ZNF17: variants seen among roughly 807,000 people sequenced by gnomAD.
The protein encoded by ZNF17 is zinc finger protein 17 (HPF3, KOX 10).
Under a neutral mutation model 7.7 loss-of-function variants are expected in ZNF17, and 4 were observed. That is an observed-to-expected ratio of 0.52 (90% CI 0.26 to 1.20). The LOEUF (loss-of-function observed/expected upper bound fraction) is 1.20. Among genes scored for constraint, ZNF17 ranks in the 50% most tolerant of loss-of-function variants. ZNF17 has a pLI of 0.14. For missense variants in ZNF17, 738 were observed against 799.5 expected (o/e 0.92, Z 0.93); for synonymous variants, 249 against 258.8 (o/e 0.96, Z 0.36).
Position 57,419,402 on chromosome 19 carries a change from T to G in ZNF17, c.149-233T>G, listed in dbSNP as rs141923226. Reference sequence around the variant, plus strand: ...AGGAGTAACTTGGGGACTCCACTTCTGTGCTCTGCACTGTACCACTCCCTA... The same window carrying G: ...AGGAGTAACTTGGGGACTCCACTTCGGTGCTCTGCACTGTACCACTCCCTA... On this transcript the variant is annotated intron_variant, in intron 3 of 3. Coordinates refer to ENST00000307658, the MANE Select transcript of ZNF17 (RefSeq NM_001330617.2). The G allele has an allele frequency of 8.3e-3, 3,653 of 439,038 alleles. 29 individuals carry two copies. Among genetic ancestry groups the G allele is most frequent in the Non-Finnish European group, 0.013 (3,073 of 243,302 alleles). 27.2% of individuals were successfully genotyped at this position (439,038 alleles called of 1,614,324 possible).
chr19:57,418,130 T>C, intron 3 of ZNF17, 92 bp downstream of exon 3: 1 of 1,476,362 alleles, frequency 6.8e-7, no homozygotes, highest in Non-Finnish European at 9.2e-7. Context: ...AGGTCATGGA[T>C]GCTGCATCCT....
At chr19:57,414,895 T>C (rs1449482411) in intron 2 of ZNF17, among the ~76,000 whole-genome samples, 2 of 151,534 alleles carry the variant, frequency 1.3e-5, no homozygotes, top group East Asian at 4.0e-4. Context: ...TTGTATTTTT[T>C]AGTAGAGCCA....
chr19:57,418,406 G>C (rs2088825296), intron 3 of ZNF17, among the ~76,000 whole-genome samples: 1 of 152,018 alleles, frequency 6.6e-6, no homozygotes, highest in South Asian at 2.1e-4. Flanking sequence ...GAATTTCAGG[G>C]ACCTACCTCG....
chr19:57,417,860 A>G, intron 2 of ZNF17, 52 bp from the exon 3 acceptor site: 3 of 1,586,050 alleles, frequency 1.9e-6, no homozygotes, highest in East Asian at 2.2e-5. Flanking sequence ...AAAAAAAAAA[A>G]AAGAAAGAAA....
chr19:57,411,679 A>G, intron 1 of ZNF17: 2 of 1,339,748 alleles, frequency 1.5e-6, no homozygotes, highest in South Asian at 2.1e-5. Flanking sequence ...CTGGGAGGGC[A>G]GCGGAGCTGC....
chr19:57,413,774 A>G lies in ZNF17; in HGVS notation c.21+138A>G. The G allele has an allele frequency of 6.6e-6, 7 of 1,063,806 alleles. No homozygotes were observed. In the South Asian group the frequency reaches 9.6e-5, roughly 15 times the overall value. 65.9% of individuals were successfully genotyped at this position (1,063,806 alleles called of 1,614,324 possible). On this transcript the variant is annotated intron_variant, in intron 2 of 3. Coordinates refer to ENST00000307658, the MANE Select transcript of ZNF17 (RefSeq NM_001330617.2). ...CAAGGAGAGCCTGTAGTTCCACCAG[A>G]CCTGGGTTCCAAACTCAGTGCCTGG...
In ZNF17 at chr19:57,420,017, G is replaced by C. The variant is rs200572163; in HGVS notation, c.531G>C (p.Arg177Ser). The C allele has an allele frequency of 1.2e-6, 2 of 1,614,148 alleles. No individual in the cohort carries two copies. The highest frequency in any genetic ancestry group is 1.3e-5 in the African/African-American group (1 of 75,026). Residue 177 changes from arginine (R) to serine (S), a missense_variant, in exon 4 of 4, where the codon AGG (arginine) becomes AGC (serine). Physicochemically the swap from Arg to Ser is moderately radical, Grantham distance 110. Coordinates refer to ENST00000307658, the MANE Select transcript of ZNF17 (RefSeq NM_001330617.2). ...QALHSGWKPH[R>S]DTHGVEAFQS... ...TTCACAGTGGGTGGAAGCCACACAGGGACACTCATGGTGTGGAGGCCTTTC... is the reference window on the plus strand; with the variant it reads ...TTCACAGTGGGTGGAAGCCACACAGCGACACTCATGGTGTGGAGGCCTTTC...
chr19:57,415,658 G>A (rs910217642), intron 2 of ZNF17, among the ~76,000 whole-genome samples: 2 of 152,114 alleles, frequency 1.3e-5, no homozygotes, highest in African/African-American at 2.4e-5. Flanking sequence ...ACAGATGAGG[G>A]AGTGGATGGA....
rs2088773956 is a variant in ZNF17, at chr19:57,411,267, C to T, written c.-160C>T. 5 of 1,360,330 alleles carry T rather than the reference C, an allele frequency of 3.7e-6. No individual in the cohort carries two copies. The highest frequency in any genetic ancestry group is 4.9e-4 in the Middle Eastern group (2 of 4,064). 84.3% of individuals were successfully genotyped at this position (1,360,330 alleles called of 1,614,324 possible). ...GGAAAAACGCGAGAAAAGGTTTCCCCGTTGTACAGAGGCTAGAGTGAGGCT... is the reference window on the plus strand; with the variant it reads ...GGAAAAACGCGAGAAAAGGTTTCCCTGTTGTACAGAGGCTAGAGTGAGGCT... On this transcript the variant is annotated 5_prime_UTR_variant, in exon 1 of 4. Coordinates refer to ENST00000307658, the MANE Select transcript of ZNF17 (RefSeq NM_001330617.2).
intron 1 of ZNF17, among the ~76,000 whole-genome samples, chr19:57,413,221 TCA>T (rs2088789906): frequency 6.6e-6 from 1 of 152,140 alleles, no homozygotes; most frequent in African/African-American, 2.4e-5. Context: ...GTTTTATGTA[TCA>T]CATTTCCTTA....
rs754549853 is a variant in ZNF17 at position 57,419,864 on chromosome 19, G to C, written c.378G>C (p.Lys126Asn). 6.2e-7 allele frequency: 1 copy of C among 1,614,208 alleles called. No individual in the cohort carries two copies. Among genetic ancestry groups the C allele is most frequent in the South Asian group, 1.1e-5 (1 of 91,084 alleles). The change falls in exon 4 of 4, where the codon AAG (lysine) becomes AAC (asparagine). Residue 126 changes from lysine (K) to asparagine (N), a missense_variant. Physicochemically the swap from Lys to Asn is moderately conservative, Grantham distance 94. Around this residue, in one of 3 missense-constraint regions of ZNF17, gnomAD observed 616 missense variants for 663.9 expected, o/e 0.93. Transcript: ENST00000307658. Reference protein sequence around the residue: ...YLHQKEHLREKLTRSDEGRPS... With the variant: ...YLHQKEHLRENLTRSDEGRPS... ...ACCAAAAGGAGCATCTTAGAGAGAA[G>C]CTCACCAGAAGTGATGAAGGGAGGC...
rs2088851301 is a variant in ZNF17 at position 57,421,405 on chromosome 19, A to T, written c.1919A>T (p.Tyr640Phe). 5 of 1,614,202 alleles carry T rather than the reference A, an allele frequency of 3.1e-6. No homozygotes were observed. In the African/African-American group the frequency reaches 4.0e-5, roughly 13 times the overall value. The change falls in exon 4 of 4, where the codon TAT becomes TTT. Residue 640 changes from tyrosine (Y) to phenylalanine (F), a missense_variant. Coordinates refer to ENST00000307658, the MANE Select transcript of ZNF17 (RefSeq NM_001330617.2). ...HRRIHTGERPYQCSECGRVFN... is the reference protein window; with the variant it reads ...HRRIHTGERPFQCSECGRVFN... The stretch of plus-strand genomic sequence containing the variant: ...AGAATTCACACTGGAGAGAGACCTT[A>T]TCAGTGCAGTGAATGTGGAAGAGTC...
In ZNF17 at chr19:57,411,274, C is replaced by G; in HGVS notation, c.-153C>G. On this transcript the variant is annotated 5_prime_UTR_variant, in exon 1 of 4. Coordinates refer to ENST00000307658, the MANE Select transcript of ZNF17 (RefSeq NM_001330617.2). ...CGCGAGAAAAGGTTTCCCCGTTGTA[C>G]AGAGGCTAGAGTGAGGCTCGGTTGA... is the stretch of plus-strand genomic sequence containing the variant. The G allele has an allele frequency of 7.1e-7, 1 of 1,418,398 alleles. No individual in the cohort carries two copies. The highest frequency in any genetic ancestry group is 9.6e-7 in the Non-Finnish European group (1 of 1,045,414). 87.9% of individuals were successfully genotyped at this position (1,418,398 alleles called of 1,614,324 possible). A position where few individuals can be genotyped will look rare whatever the true frequency, so the allele number is the denominator to read the frequency against.
At chr19:57,411,792 G>A in intron 1 of ZNF17, 1 of 591,718 alleles carries the variant, frequency 1.7e-6, no homozygotes, top group Non-Finnish European at 2.2e-6. Context: ...CCGCTGAGGA[G>A]ACCCCTTGAG....
In ZNF17 at chr19:57,411,425, G is replaced by A. The variant is rs1045357052; in HGVS notation, c.-21+19G>A. ...GACTGAGGTGGGTGCCGCGTCCCAG[G>A]GCGCCCCGCCCGATCCCTCCTCCGA... On this transcript the variant is annotated intron_variant, in intron 1 of 3. Coordinates refer to ENST00000307658, the MANE Select transcript of ZNF17 (RefSeq NM_001330617.2). 4 of 1,609,742 alleles carry A rather than the reference G, an allele frequency of 2.5e-6. No individual in the cohort carries two copies. The highest frequency in any genetic ancestry group is 8.5e-7 in the Non-Finnish European group (1 of 1,179,134).
At chr19:57,411,971 A>G (rs1904654817) in intron 1 of ZNF17, among the ~76,000 whole-genome samples, 1 of 152,148 alleles carries the variant, frequency 6.6e-6, no homozygotes, top group Admixed American at 6.5e-5. Context: ...ATCTGAAAGA[A>G]TGGAGTTGGA....
At chr19:57,414,318 G>C (rs1438219864) in intron 2 of ZNF17, among the ~76,000 whole-genome samples, 1 of 150,720 alleles carries the variant, frequency 6.6e-6, no homozygotes, top group Non-Finnish European at 1.5e-5. Context: ...ACAGGCTTGA[G>C]CCACCACACC....
In ZNF17 at chr19:57,412,674, G is replaced by C. The variant is rs2088785794; in HGVS notation, c.-20-922G>C. 2.6e-5 allele frequency among the ~76,000 whole-genome samples: 4 copies of C among 152,090 alleles called. No homozygotes were observed. The South Asian group carries it at 8.3e-4, about 32-fold the overall frequency. ...TTAGCTAGTATGGTCTCTATCTCCT[G>C]ACCTCATGATCTGCACGCCTCAGCC... On this transcript the variant is annotated intron_variant, in intron 1 of 3. Coordinates refer to ENST00000307658, the MANE Select transcript of ZNF17 (RefSeq NM_001330617.2).
Position 57,421,783 on chromosome 19 carries a change from A to C in ZNF17, c.*302A>C. On this transcript the variant is annotated 3_prime_UTR_variant, in exon 4 of 4. Coordinates refer to ENST00000307658, the MANE Select transcript of ZNF17 (RefSeq NM_001330617.2). ...TGAATTTTACTAGTCCGGGTACCTCATATAAGAAAACTTAAGTTTTGGTCT... is the reference window on the plus strand; with the variant it reads ...TGAATTTTACTAGTCCGGGTACCTCCTATAAGAAAACTTAAGTTTTGGTCT... The C allele has an allele frequency of 4.0e-6, 1 of 249,050 alleles. No homozygotes were observed. The allele number at this position is 249,050 out of a possible 1,614,324, so 15.4% of individuals were successfully genotyped here. A position where few individuals can be genotyped will look rare whatever the true frequency, so the allele number is the denominator to read the frequency against.
Sources: allele counts gnomAD v4.1 joint callset (sites outside exome capture counted in the v4.1 genomes callset), GRCh38; gene constraint gnomAD v4.1.1; regional missense constraint gnomAD v4.1.1; transcripts MANE v1.5; gene names NCBI Gene and HGNC (gene_info 2026-07-23, HGNC 2026-07-21).